Variants in ARL15 observed in about 807,000 individuals in gnomAD.
ARL15 encodes the protein ARF like GTPase 15.
ARL15 carries 19 observed loss-of-function variants against 25.2 expected under a neutral mutation model. That is an observed-to-expected ratio of 0.75 (90% CI 0.53 to 1.10). The LOEUF (loss-of-function observed/expected upper bound fraction) is 1.10, where lower values mean the gene tolerates loss of function less well. Among genes scored for constraint, ARL15 ranks in the 50% least tolerant of loss-of-function variants. The pLI is 0.00. For synonymous variants in ARL15, 94 were observed against 86.8 expected, an observed-to-expected ratio of 1.08 and a Z score of -0.46; for missense variants, 220 against 246.0, an observed-to-expected ratio of 0.89 and a Z score of 0.71.
intron 4 of ARL15, among the ~76,000 whole-genome samples, chr5:53,969,037 C>T (rs766498291): frequency 6.6e-6 from 1 of 151,868 alleles, no homozygotes; most frequent in Non-Finnish European, 1.5e-5. Flanking sequence ...GTAATCTCAG[C>T]TACTCAGGAG....
chr5:53,887,168 C>G (rs180894590), intron 4 of ARL15, among the ~76,000 whole-genome samples: 211 of 152,300 alleles, frequency 1.4e-3, no homozygotes, highest in African/African-American at 4.9e-3. Context: ...TTTTGACCAT[C>G]AAGCACATAA....
intron 4 of ARL15, among the ~76,000 whole-genome samples, chr5:54,011,619 T>G (rs973634622): frequency 6.6e-6 from 1 of 152,082 alleles, no homozygotes; most frequent in African/African-American, 2.4e-5. Flanking sequence ...ACACCGAAGT[T>G]AAAAGGCTTG....
intron 4 of ARL15, among the ~76,000 whole-genome samples, chr5:54,003,336 G>T (rs1223947023): frequency 6.6e-6 from 1 of 152,152 alleles, no homozygotes; most frequent in Non-Finnish European, 1.5e-5. Context: ...ACAACCACAC[G>T]TGAGCTGGGA....
chr5:54,172,267 G>C (rs1754742137), intron 1 of ARL15, among the ~76,000 whole-genome samples: 1 of 152,096 alleles, frequency 6.6e-6, no homozygotes, highest in African/African-American at 2.4e-5. Flanking sequence ...CCAATCTAAG[G>C]AGTATTCCAT....
At chr5:53,920,537 G>A (rs1271117390) in intron 4 of ARL15, among the ~76,000 whole-genome samples, 1 of 151,826 alleles carries the variant, frequency 6.6e-6, no homozygotes, top group African/African-American at 2.4e-5. Context: ...CAGGTGCAGT[G>A]GTTCATGACT....
chr5:54,126,766 T>C (rs968454611), intron 3 of ARL15, among the ~76,000 whole-genome samples: 2 of 152,246 alleles, frequency 1.3e-5, no homozygotes, highest in South Asian at 2.1e-4. Context: ...GCCAATGCCA[T>C]GCCTTCGAAC....
intron 4 of ARL15, among the ~76,000 whole-genome samples, chr5:54,010,966 C>T (rs1358779070): frequency 6.7e-6 from 1 of 148,942 alleles, no homozygotes; most frequent in African/African-American, 2.5e-5. Context: ...CGCCACTGCA[C>T]TCCAGCCCGG....
At chr5:54,201,026 T>A (rs1420314982) in intron 1 of ARL15, among the ~76,000 whole-genome samples, 1 of 151,738 alleles carries the variant, frequency 6.6e-6, no homozygotes, top group Non-Finnish European at 1.5e-5. Flanking sequence ...TCCAATTAAA[T>A]CCCTCAAATT....
chr5:54,265,178 T>C (rs1757593458), intron 1 of ARL15, among the ~76,000 whole-genome samples: 1 of 152,224 alleles, frequency 6.6e-6, no homozygotes, highest in Admixed American at 6.5e-5. Context: ...AAAACCCAAC[T>C]CTTTTTGCTG....
At chr5:53,948,467 C>A (rs1302722447) in intron 4 of ARL15, among the ~76,000 whole-genome samples, 1 of 152,162 alleles carries the variant, frequency 6.6e-6, no homozygotes, top group Non-Finnish European at 1.5e-5. Context: ...AACAGTGGTT[C>A]TCCTGGAGAA....
intron 1 of ARL15, among the ~76,000 whole-genome samples, chr5:54,224,277 G>A (rs565781337): frequency 2.3e-4 from 35 of 152,272 alleles, no homozygotes; most frequent in Non-Finnish European, 4.4e-4. Flanking sequence ...GCATGGCAAT[G>A]TGAAGAAGGG....
intron 1 of ARL15, among the ~76,000 whole-genome samples, chr5:54,234,162 A>AT (rs1047209915): frequency 2.0e-5 from 3 of 151,846 alleles, no homozygotes; most frequent in African/African-American, 7.3e-5. Flanking sequence ...AGCCCGGCTA[A>AT]TTTTTTTATT....
At chr5:53,917,564 C>T (rs1040699659) in intron 4 of ARL15, among the ~76,000 whole-genome samples, 5 of 152,186 alleles carry the variant, frequency 3.3e-5, no homozygotes, top group African/African-American at 9.7e-5. Flanking sequence ...AAGAAAACAA[C>T]CCCACCTCCT....
At chr5:53,979,853 G>A (rs1216058791) in intron 4 of ARL15, among the ~76,000 whole-genome samples, 1 of 149,384 alleles carries the variant, frequency 6.7e-6, no homozygotes. Flanking sequence ...GTGTGTGTGT[G>A]TGTGTGTGTG....
chr5:54,119,498 A>G (rs1231424987), intron 3 of ARL15, among the ~76,000 whole-genome samples: 1 of 152,162 alleles, frequency 6.6e-6, no homozygotes. Flanking sequence ...AGCACAAACT[A>G]TCACAAATAT....
chr5:54,000,866 ACCC>A (rs1160509745), intron 4 of ARL15, among the ~76,000 whole-genome samples: 1 of 152,174 alleles, frequency 6.6e-6, no homozygotes. Flanking sequence ...TCACCCCTGT[ACCC>A]AGGGCTGGCC....
chr5:54,189,409 G>A (rs894373801), intron 1 of ARL15, among the ~76,000 whole-genome samples: 11 of 151,928 alleles, frequency 7.2e-5, no homozygotes, highest in Non-Finnish European at 1.6e-4. Context: ...ACAAACGTCC[G>A]GTAATCAAAA....
At chr5:54,069,818 C>A (rs1751364765) in intron 4 of ARL15, among the ~76,000 whole-genome samples, 1 of 151,394 alleles carries the variant, frequency 6.6e-6, no homozygotes, top group Non-Finnish European at 1.5e-5. Context: ...AAATTACAGG[C>A]ATTCACCACC....
intron 1 of ARL15, among the ~76,000 whole-genome samples, chr5:54,220,550 AT>A: frequency 6.6e-6 from 1 of 152,176 alleles, no homozygotes; most frequent in East Asian, 1.9e-4. Context: ...AGTTAGAAAC[AT>A]TCTTCTTGCT....
Sources: allele counts gnomAD v4.1 joint callset (sites outside exome capture counted in the v4.1 genomes callset), GRCh38; gene constraint gnomAD v4.1.1; transcripts MANE v1.5; gene names NCBI Gene and HGNC (gene_info 2026-07-23, HGNC 2026-07-21).